Variants in ENTREP2 observed in about 807,000 individuals in gnomAD.
ENTREP2 encodes protein ENTREP2.
chr15:29,637,004 T>TA, the ENTREP2 span, among the ~76,000 whole-genome samples: 11,120 of 152,218 alleles, frequency 0.073, 1,383 homozygotes, highest in African/African-American at 0.25. Flanking sequence ...GGTTTAAACA[T>TA]AAAGTTTACT....
At chr15:29,478,019 A>ATATATTTT in the ENTREP2 span, among the ~76,000 whole-genome samples, 2 of 54,276 alleles carry the variant, frequency 3.7e-5, no homozygotes, top group African/African-American at 9.0e-5. Context: ...ATATATATAT[A>ATATATTTT]TTTTTTTTTT....
chr15:29,498,160 T>C, the ENTREP2 span, among the ~76,000 whole-genome samples: 1 of 152,148 alleles, frequency 6.6e-6, no homozygotes, highest in Non-Finnish European at 1.5e-5. Context: ...TATGAAGATG[T>C]GCCTTGTTTC....
At chr15:29,401,691 G>A in the ENTREP2 span, among the ~76,000 whole-genome samples, 115 of 152,310 alleles carry the variant, frequency 7.6e-4, no homozygotes, top group African/African-American at 2.7e-3. Context: ...AAACAGGCCA[G>A]CCTATTTACA....
the ENTREP2 span, among the ~76,000 whole-genome samples, chr15:29,130,234 C>T: frequency 2.0e-5 from 3 of 152,180 alleles, no homozygotes; most frequent in East Asian, 1.9e-4. Flanking sequence ...AAGATGCTTT[C>T]GCATAATACG....
the ENTREP2 span, among the ~76,000 whole-genome samples, chr15:29,275,983 A>C: frequency 6.6e-6 from 1 of 152,338 alleles, no homozygotes; most frequent in South Asian, 2.1e-4. Context: ...AGCAATCCAG[A>C]CATCTTAATG....
At chr15:29,357,633 C>G in the ENTREP2 span, among the ~76,000 whole-genome samples, 9 of 151,836 alleles carry the variant, frequency 5.9e-5, no homozygotes, top group Admixed American at 2.6e-4. Flanking sequence ...GTCGGGAGAT[C>G]GAGACCATCC....
the ENTREP2 span, among the ~76,000 whole-genome samples, chr15:29,211,856 A>T: frequency 6.6e-6 from 1 of 151,924 alleles, no homozygotes; most frequent in Non-Finnish European, 1.5e-5. Context: ...TTATCTTTTG[A>T]TATGTTGTTG....
chr15:29,525,435 A>C, the ENTREP2 span, among the ~76,000 whole-genome samples: 68,542 of 152,132 alleles, frequency 0.45, 16,627 homozygotes, highest in African/African-American at 0.65. Flanking sequence ...ATGCTCACAA[A>C]ATAGACGAAC....
At chr15:29,300,398 A>AATGG in the ENTREP2 span, among the ~76,000 whole-genome samples, 39,669 of 128,516 alleles carry the variant, frequency 0.31, 6,657 homozygotes, top group African/African-American at 0.51. Context: ...TAGATGGATA[A>AATGG]ATGGATGGAT....
At chr15:29,513,583 G>A in the ENTREP2 span, among the ~76,000 whole-genome samples, 10 of 152,284 alleles carry the variant, frequency 6.6e-5, no homozygotes, top group South Asian at 2.1e-4. Context: ...TTAAAAAGGC[G>A]TGGGGTGAAC....
chr15:29,213,822 A>G, the ENTREP2 span, among the ~76,000 whole-genome samples: 1 of 152,316 alleles, frequency 6.6e-6, no homozygotes, highest in East Asian at 1.9e-4. Flanking sequence ...TCCAGAATCT[A>G]CAAAGAACTC....
chr15:29,499,776 A>G, the ENTREP2 span, among the ~76,000 whole-genome samples: 1 of 152,186 alleles, frequency 6.6e-6, no homozygotes, highest in African/African-American at 2.4e-5. Flanking sequence ...TGTGTAAATG[A>G]ACTAAACTCT....
the ENTREP2 span, among the ~76,000 whole-genome samples, chr15:29,566,107 C>T: frequency 1.3e-5 from 2 of 151,896 alleles, no homozygotes; most frequent in East Asian, 1.9e-4. Flanking sequence ...TTGGGGTAGG[C>T]GAAAGCTATA....
At chr15:29,141,965 T>C in the ENTREP2 span, among the ~76,000 whole-genome samples, 3 of 152,070 alleles carry the variant, frequency 2.0e-5, no homozygotes, top group South Asian at 2.1e-4. Flanking sequence ...TGTAATTGCA[T>C]AAGGAAATAG....
the ENTREP2 span, among the ~76,000 whole-genome samples, chr15:29,393,782 GAA>G: frequency 1.3e-5 from 2 of 152,036 alleles, no homozygotes; most frequent in African/African-American, 4.8e-5. Context: ...ATCAAAATAT[GAA>G]ACTTTATTTA....
the ENTREP2 span, among the ~76,000 whole-genome samples, chr15:29,566,732 C>T: frequency 1.2e-5 from 1 of 80,406 alleles, no homozygotes; most frequent in African/African-American, 4.1e-5. Context: ...GTTGGGATTA[C>T]AGGCATGAGC....
chr15:29,286,044 TAGAA>T, the ENTREP2 span, among the ~76,000 whole-genome samples: 5 of 152,114 alleles, frequency 3.3e-5, no homozygotes, highest in Admixed American at 6.5e-5. Flanking sequence ...AGGCTAGAAA[TAGAA>T]AGGAACTTAA....
At chr15:29,669,602 C>T in the ENTREP2 span, among the ~76,000 whole-genome samples, 1 of 152,242 alleles carries the variant, frequency 6.6e-6, no homozygotes, top group Non-Finnish European at 1.5e-5. Flanking sequence ...TTCCCCATCA[C>T]ATCCGAGGCT....
the ENTREP2 span, among the ~76,000 whole-genome samples, chr15:29,209,609 A>G: frequency 6.6e-6 from 1 of 152,132 alleles, no homozygotes; most frequent in Non-Finnish European, 1.5e-5. Flanking sequence ...CAGAGAGAGA[A>G]GGACCATGGT....
Sources: gnomAD v4.1 joint callset for allele counts (sites outside exome capture counted in the v4.1 genomes callset) on GRCh38, gnomAD v4.1.1 for gene constraint, MANE v1.5 for transcripts, NCBI Gene and HGNC (gene_info 2026-07-23, HGNC 2026-07-21) for gene names.